Variants in NOD1 observed in about 807,000 individuals in gnomAD.
NOD1 encodes the protein nucleotide-binding oligomerization domain-containing protein 1.
In NOD1, 70 loss-of-function variants were observed where a neutral mutation model predicts 81.2. That is an observed-to-expected ratio of 0.86 (90% confidence interval 0.71 to 1.05). The LOEUF is 1.05. Among genes scored for constraint, NOD1 ranks in the 50% least tolerant of loss-of-function variants. NOD1 has a pLI of 0.00. For missense variants in NOD1, 1,233 were observed against 1,228.0 expected, an observed-to-expected ratio of 1.00 and a Z score of -0.06; for synonymous variants, 508 against 526.9, an observed-to-expected ratio of 0.96 and a Z score of 0.49.
In NOD1 at chr7:30,446,082, G is replaced by C. The variant is rs960953028; in HGVS notation, c.2453+59C>G. The C allele has an allele frequency of 4.5e-6, 6 of 1,334,078 alleles. No homozygotes were observed. In the Admixed American group the frequency reaches 5.2e-5, roughly 12 times the overall value. 82.6% of individuals were successfully genotyped at this position (1,334,078 alleles called of 1,614,324 possible). On this transcript the variant is annotated intron_variant, in intron 9 of 13. Transcript: ENST00000222823. ...TACTGATGTATGAAAAGAACAGCAA[G>C]GCCCGCCCCCCACACACACAGCAGG...
chr7:30,456,975 C>T lies in NOD1; in HGVS notation c.-54G>A, dbSNP rs976040832. 2 of 1,481,694 alleles carry T rather than the reference C, an allele frequency of 1.3e-6. No homozygotes were observed. Among genetic ancestry groups the T allele is most frequent in the African/African-American group, 2.8e-5 (2 of 72,236 alleles). The allele number at this position is 1,481,694 out of a possible 1,614,324, so 91.8% of individuals were successfully genotyped here. On this transcript the variant is annotated 5_prime_UTR_variant, in exon 4 of 14. Transcript: ENST00000222823. ...CAAATTCATCTTCAGCTGCGTGTGT[C>T]CTCTCAGCAGAAGGGCAATCAGGAT... is the stretch of plus-strand genomic sequence containing the variant.
chr7:30,448,360 A>C lies in NOD1; in HGVS notation c.2223T>G (p.Thr741=). The change falls in exon 7 of 14, where the codon ACT becomes ACG. Residue 741 remains threonine (T), a synonymous_variant. Coordinates refer to ENST00000222823, the MANE Select transcript of NOD1 (RefSeq NM_006092.4). ...CGCTTAGCACCTTTACCCCACCGTCAGTGATCTGGTTTACGCTGAGTCTGA... is the reference window on the plus strand; with the variant it reads ...CGCTTAGCACCTTTACCCCACCGTCCGTGATCTGGTTTACGCTGAGTCTGA... ...TVLRLSVNQI[T]DGGVKVLSEE... 1 of 1,614,184 alleles carries C rather than the reference A, an allele frequency of 6.2e-7. No homozygotes were observed. The highest frequency in any genetic ancestry group is 8.5e-7 in the Non-Finnish European group (1 of 1,179,992).
In NOD1 at chr7:30,451,490, A is replaced by T. The variant is rs1472705074; in HGVS notation, c.1927T>A (p.Phe643Ile). The change falls in exon 6 of 14, where the codon TTC (phenylalanine) becomes ATC (isoleucine). Residue 643 changes from phenylalanine to isoleucine, a missense_variant. Phe to Ile is a conservative substitution (Grantham distance 21). Coordinates refer to ENST00000222823, the MANE Select transcript of NOD1 (RefSeq NM_006092.4). The surrounding 1 kb of genome is among the most constrained non-coding windows in gnomAD (Gnocchi z 4.2). ...KSLPRVQVESFNQVQAMPTFI... is the reference protein window; with the variant it reads ...KSLPRVQVESINQVQAMPTFI... ...GTGGGCATGGCCTGCACCTGGTTGA[A>T]GCTTTCGACCTGAACGCGGGGCAGG... 6.2e-7 allele frequency: 1 copy of T among 1,613,178 alleles called. No individual in the cohort carries two copies. The highest frequency in any genetic ancestry group is 8.5e-7 in the Non-Finnish European group (1 of 1,179,924).
rs755862567 is a variant in NOD1 at position 30,455,140 on chromosome 7, G to C, written c.373C>G (p.Pro125Ala). 17 of 1,613,746 alleles carry C rather than the reference G, an allele frequency of 1.1e-5. No homozygotes were observed. The East Asian group carries it at 2.0e-4, about 19-fold the overall frequency. ...TQSKVVVNTD[P>A]VSRYTQQLRH... ...TCTTGCTGGGGCTGACTCCTACCTGGGTCAGTGTTGACCACGACTTTGCTC... is the reference window on the plus strand; with the variant it reads ...TCTTGCTGGGGCTGACTCCTACCTGCGTCAGTGTTGACCACGACTTTGCTC... Residue 125 changes from proline (P) to alanine (A), a missense_variant, in exon 5 of 14, where the codon CCA (proline) becomes GCA (alanine). Physicochemically the swap from Pro to Ala is conservative, Grantham distance 27 (BLOSUM62 -1). Coordinates refer to ENST00000222823, the MANE Select transcript of NOD1 (RefSeq NM_006092.4).
chr7:30,462,179 A>G (rs1387123331), intron 1 of NOD1, among the ~76,000 whole-genome samples: 3 of 152,246 alleles, frequency 2.0e-5, no homozygotes, highest in Non-Finnish European at 4.4e-5. Context: ...TCAATGTAAA[A>G]TTCTCTTCAC....
intron 5 of NOD1, 137 bp downstream of exon 5, chr7:30,455,000 A>G: frequency 1.2e-6 from 1 of 810,096 alleles, no homozygotes; most frequent in Non-Finnish European, 2.0e-6. Flanking sequence ...GACAGGATTC[A>G]GCTGTTCCTT....
rs1382662003 is a variant in NOD1 at position 30,457,061 on chromosome 7, T to A, written c.-121-19A>T. On this transcript the variant is annotated intron_variant, in intron 3 of 13. Coordinates refer to ENST00000222823, the MANE Select transcript of NOD1 (RefSeq NM_006092.4). ...GCAGCCCCTGAAGAGATCAATGACATCATCAGCAAAGCAAAAGCTACAGAA... is the reference window on the plus strand; with the variant it reads ...GCAGCCCCTGAAGAGATCAATGACAACATCAGCAAAGCAAAAGCTACAGAA... 2 of 672,234 alleles carry A rather than the reference T, an allele frequency of 3.0e-6. No individual in the cohort carries two copies. The highest frequency in any genetic ancestry group is 5.4e-5 in the East Asian group (2 of 37,158). 41.6% of individuals were successfully genotyped at this position (672,234 alleles called of 1,614,324 possible). A position where few individuals can be genotyped will look rare whatever the true frequency, so the allele number is the denominator to read the frequency against.
At chr7:30,447,251 G>A (rs1395769806) in intron 7 of NOD1, 1 of 734,188 alleles carries the variant, frequency 1.4e-6, no homozygotes, top group Non-Finnish European at 2.3e-6. Flanking sequence ...TTTATGGCCT[G>A]AGACAAGTCA....
intron 3 of NOD1, among the ~76,000 whole-genome samples, chr7:30,458,366 G>A (rs913657252): frequency 2.7e-4 from 41 of 152,034 alleles, no homozygotes; most frequent in African/African-American, 9.9e-4. Flanking sequence ...ATTTCAGAGA[G>A]AGAGTAAAAA....
At chr7:30,469,863 A>G (rs576389021) in intron 1 of NOD1, among the ~76,000 whole-genome samples, 1 of 152,358 alleles carries the variant, frequency 6.6e-6, no homozygotes, top group African/African-American at 2.4e-5. Flanking sequence ...TTCTGGCCAG[A>G]GTAGCCTCCT....
In NOD1 at chr7:30,452,171, C is replaced by T. The variant is rs370498104; in HGVS notation, c.1246G>A (p.Asp416Asn). The T allele has an allele frequency of 1.4e-5, 23 of 1,613,824 alleles. No individual in the cohort carries two copies. Among genetic ancestry groups the T allele is most frequent in the Middle Eastern group, 1.6e-4 (1 of 6,084 alleles). Residue 416 changes from aspartate to asparagine, a missense_variant, in exon 6 of 14, where the codon GAC becomes AAC. Transcript: ENST00000222823. ...ACATCTGTCAGGGTCATCGTGCAGT[C>T]GGGCAGCTGTGGTGAGCCTTCAAAG... ...AAFEGSPQLP[D>N]CTMTLTDVFL... is the part of the protein sequence containing the mutation.
Position 30,451,955 on chromosome 7 carries a change from G to T in NOD1, c.1462C>A (p.Leu488Met), listed in dbSNP as rs772747411. ...CCCAGCTGCATGTCTCTCTCCTGCAGCCCGGAGGCCTGCACCTCCTCCTGG... is the reference window on the plus strand; with the variant it reads ...CCCAGCTGCATGTCTCTCTCCTGCATCCCGGAGGCCTGCACCTCCTCCTGG... Reference protein sequence around the residue: ...FTQEEVQASGLQERDMQLGFL... With the variant: ...FTQEEVQASGMQERDMQLGFL... The change falls in exon 6 of 14, where the codon CTG becomes ATG. Residue 488 changes from leucine to methionine, a missense_variant. Leu to Met is a conservative substitution (Grantham distance 15). Coordinates refer to ENST00000222823, the MANE Select transcript of NOD1 (RefSeq NM_006092.4). The surrounding 1 kb of genome is among the most constrained non-coding windows in gnomAD (Gnocchi z 4.2). 8 of 1,613,386 alleles carry T rather than the reference G, an allele frequency of 5.0e-6. No individual in the cohort carries two copies. Among genetic ancestry groups the T allele is most frequent in the Non-Finnish European group, 6.8e-6 (8 of 1,180,004 alleles).
intron 13 of NOD1, chr7:30,428,525 T>C (rs1236923099): frequency 6.6e-6 from 1 of 152,230 alleles, no homozygotes; most frequent in East Asian, 1.9e-4. Context: ...CATCCTGATA[T>C]TTTGTTCTGT....
chr7:30,439,408 G>A (rs1334413738), intron 9 of NOD1, among the ~76,000 whole-genome samples: 2 of 140,382 alleles, frequency 1.4e-5, no homozygotes, highest in African/African-American at 6.0e-5. Flanking sequence ...CGCACCGTGC[G>A]CGAGCCGAAG....
rs768930739 is a variant in NOD1, at chr7:30,452,459, C to A, written c.958G>T (p.Gly320Trp). The change falls in exon 6 of 14, where the codon GGG becomes TGG. Residue 320 changes from glycine to tryptophan, a missense_variant. Coordinates refer to ENST00000222823, the MANE Select transcript of NOD1 (RefSeq NM_006092.4). ...TTGCTAGCCCCCTTGAGCAGCTTCC[C>A]ACTGAGCAGGTTGGCCAGCAAGACC... The part of the protein sequence containing the change: ...PLVLLANLLS[G>W]KLLKGASKLL... 3 of 1,613,358 alleles carry A rather than the reference C, an allele frequency of 1.9e-6. No individual in the cohort carries two copies. In the South Asian group the frequency reaches 3.3e-5, roughly 18 times the overall value.
At chr7:30,425,880 C>T (rs56027100) in intron 13 of NOD1, among the ~76,000 whole-genome samples, 170 bp from the exon 14 acceptor site, 10,388 of 152,184 alleles carry the variant, frequency 0.068, 1,045 homozygotes, top group African/African-American at 0.22. Flanking sequence ...TAGCATGGAT[C>T]CTCTCCAGCT....
chr7:30,434,131 A>G (rs1001445967), intron 11 of NOD1, among the ~76,000 whole-genome samples: 3 of 152,240 alleles, frequency 2.0e-5, no homozygotes, highest in African/African-American at 7.2e-5. Flanking sequence ...GCAGGTTTGT[A>G]TCACCCACCA....
At chr7:30,450,109 G>T (rs569568269) in intron 6 of NOD1, among the ~76,000 whole-genome samples, 1 of 152,124 alleles carries the variant, frequency 6.6e-6, no homozygotes, top group Admixed American at 6.5e-5. Flanking sequence ...CAAGAGAATC[G>T]CTTGAACCCA....
Position 30,455,325 on chromosome 7 carries a change from A to T in NOD1, c.202-14T>A. On this transcript the variant is annotated splice_polypyrimidine_tract_variant and intron_variant, in intron 4 of 13. Coordinates refer to ENST00000222823, the MANE Select transcript of NOD1 (RefSeq NM_006092.4). ...AATTTTGCGGACCTGGAGGTGACAC[A>T]AGCATGAGGGCACGGGCTGGCATGA... 1 of 1,609,032 alleles carries T rather than the reference A, an allele frequency of 6.2e-7. No individual in the cohort carries two copies. The highest frequency in any genetic ancestry group is 8.5e-7 in the Non-Finnish European group (1 of 1,176,250).
Sources: gnomAD v4.1 joint callset for allele counts (sites outside exome capture counted in the v4.1 genomes callset) on GRCh38, gnomAD v4.1.1 for gene constraint, Gnocchi (gnomAD v3.1) non-coding constraint, MANE v1.5 for transcripts, NCBI Gene and HGNC (gene_info 2026-07-23, HGNC 2026-07-21) for gene names.